THEMIS: variants seen among roughly 807,000 people sequenced by gnomAD.
THEMIS encodes protein THEMIS.
In THEMIS, 37 loss-of-function variants were observed where a neutral mutation model predicts 52.6. That is an observed-to-expected ratio of 0.70 (90% CI 0.54 to 0.93). The LOEUF (loss-of-function observed/expected upper bound fraction) is 0.93. THEMIS is among the 40% of genes least tolerant of loss of function. The probability of loss-of-function intolerance (pLI) is 0.00; values close to 1 mark genes in which losing one functional copy is unlikely to be tolerated. For synonymous variants in THEMIS, 292 were observed against 272.7 expected (o/e 1.07, Z -0.70); for missense variants, 808 against 763.1 (o/e 1.06, Z -0.69).
chr6:127,772,309 T>C lies in THEMIS; in HGVS notation c.1758+40574A>G, dbSNP rs189043371. ...CACACTCTCTGCTTAATTAAAATAT[T>C]TTTTTCATTTTTGCCCCTGGTGAAT... On this transcript the variant is annotated intron_variant, in intron 4 of 5. Coordinates refer to ENST00000368248, the MANE Select transcript of THEMIS (RefSeq NM_001010923.3). Among the ~76,000 whole-genome samples, 728 of 152,214 alleles carry C rather than the reference T, an allele frequency of 4.8e-3. 4 individuals carry two copies. Among genetic ancestry groups the C allele is most frequent in the Middle Eastern group, 0.041 (12 of 294 alleles).
intron 4 of THEMIS, among the ~76,000 whole-genome samples, chr6:127,745,067 T>C (rs1775341006): frequency 6.6e-6 from 1 of 151,970 alleles, no homozygotes; most frequent in African/African-American, 2.4e-5. Context: ...ATGGAACTTA[T>C]GTCAACATGG....
intron 4 of THEMIS, among the ~76,000 whole-genome samples, chr6:127,774,267 G>A (rs1434072704): frequency 6.6e-6 from 1 of 152,152 alleles, no homozygotes; most frequent in Non-Finnish European, 1.5e-5. Flanking sequence ...GTGCAGTGGC[G>A]CCATCTCCGC....
intron 4 of THEMIS, among the ~76,000 whole-genome samples, chr6:127,784,009 G>A (rs2780929): frequency 0.29 from 43,701 of 152,018 alleles, 7,352 homozygotes; most frequent in Non-Finnish European, 0.39. Flanking sequence ...ATGGTAGACT[G>A]GATAAAGAAA....
At chr6:127,807,991 G>T (rs973514556) in intron 4 of THEMIS, among the ~76,000 whole-genome samples, 2 of 152,128 alleles carry the variant, frequency 1.3e-5, no homozygotes, top group East Asian at 3.9e-4. Flanking sequence ...TTCTGGTGCA[G>T]GATTTTTTTC....
chr6:127,875,192 A>T (rs1172745105), intron 1 of THEMIS, among the ~76,000 whole-genome samples: 1 of 152,256 alleles, frequency 6.6e-6, no homozygotes, highest in African/African-American at 2.4e-5. Flanking sequence ...ACTGGAGTAA[A>T]AGATACATGG....
chr6:127,838,628 T>C (rs1284471388), intron 2 of THEMIS, among the ~76,000 whole-genome samples: 1 of 152,102 alleles, frequency 6.6e-6, no homozygotes. Context: ...ATAAGATAGT[T>C]TTCCTTAAAA....
intron 4 of THEMIS, among the ~76,000 whole-genome samples, chr6:127,737,910 A>G (rs1279585710): frequency 6.6e-6 from 1 of 152,184 alleles, no homozygotes; most frequent in African/African-American, 2.4e-5. Flanking sequence ...TACTGTTTAT[A>G]CTTTATACAA....
chr6:127,899,903 T>TTATATATATA (rs111727278), intron 1 of THEMIS, among the ~76,000 whole-genome samples: 280 of 144,522 alleles, frequency 1.9e-3, no homozygotes, highest in African/African-American at 6.8e-3. Flanking sequence ...TGTGTATATT[T>TTATATATATA]TATATATATA....
chr6:127,768,198 A>C (rs573801273), intron 4 of THEMIS, among the ~76,000 whole-genome samples: 1 of 152,362 alleles, frequency 6.6e-6, no homozygotes, highest in East Asian at 1.9e-4. Flanking sequence ...ATTAATGAAC[A>C]ACATGATACT....
chr6:127,708,380 G>A lies in THEMIS; in HGVS notation c.*1605C>T, dbSNP rs1773861326. On this transcript the variant is annotated 3_prime_UTR_variant, in exon 6 of 6. Coordinates refer to ENST00000368248, the MANE Select transcript of THEMIS (RefSeq NM_001010923.3). ...ATAATTTACAACCAAAGTAAGATAT[G>A]CATTCTCTTAATTTTCTAATCAAAG... 1 of 152,034 alleles carries A rather than the reference G, an allele frequency of 6.6e-6. No homozygotes were observed. Among genetic ancestry groups the A allele is most frequent in the African/African-American group, 2.4e-5 (1 of 41,420 alleles). The allele number at this position is 152,034 out of a possible 1,614,324, so 9.4% of individuals were successfully genotyped here.
intron 4 of THEMIS, among the ~76,000 whole-genome samples, chr6:127,749,373 C>T (rs887338696): frequency 5.9e-5 from 9 of 151,970 alleles, no homozygotes; most frequent in Admixed American, 5.3e-4. Context: ...TTCTATGTCA[C>T]GTTAGCGGGG....
At chr6:127,760,083 C>CT (rs34663747) in intron 4 of THEMIS, among the ~76,000 whole-genome samples, 44,548 of 142,980 alleles carry the variant, frequency 0.31, 8,298 homozygotes, top group Non-Finnish European at 0.45. Flanking sequence ...AATCGAATCT[C>CT]TTTTTTTTTT....
rs185969124 is a variant in THEMIS, at chr6:127,870,199, C to T, written c.92-15011G>A. On this transcript the variant is annotated intron_variant, in intron 1 of 5. Transcript: ENST00000368248. ...GGGACTTGTGCCCAGCACAATCAGG[C>T]ACTTCCCAGCCGCATGATGTAAGGG... Among the ~76,000 whole-genome samples, 55 of 152,296 alleles carry T rather than the reference C, an allele frequency of 3.6e-4. 2 individuals carry two copies. In the East Asian group the frequency reaches 0.01, roughly 29 times the overall value.
chr6:127,812,728 T>A (rs1022564356), intron 4 of THEMIS, among the ~76,000 whole-genome samples, 155 bp downstream of exon 4: 1 of 152,206 alleles, frequency 6.6e-6, no homozygotes, highest in Non-Finnish European at 1.5e-5. Flanking sequence ...GCTTACACAC[T>A]GTTGATGTTC....
rs537149882 is a variant in THEMIS at position 127,829,646 on chromosome 6, C to T, written c.539G>A (p.Arg180His). The change falls in exon 3 of 6, where the codon CGT (arginine) becomes CAT (histidine). Residue 180 changes from arginine (R) to histidine (H), a missense_variant. Coordinates refer to ENST00000368248, the MANE Select transcript of THEMIS (RefSeq NM_001010923.3). ...AACAATCTCCTTTAGAGTGTAAATA[C>T]GTTCATCTTCACACTCGTAGAATTC... ...EGEFYECEDE[R>H]IYTLKEIVEW... 1.4e-4 allele frequency: 229 copies of T among 1,614,018 alleles called. 2 individuals are homozygous for T. The South Asian group carries it at 2.1e-3, about 15-fold the overall frequency.
intron 4 of THEMIS, among the ~76,000 whole-genome samples, chr6:127,798,031 A>C (rs1777388272): frequency 6.6e-6 from 1 of 152,250 alleles, no homozygotes; most frequent in Non-Finnish European, 1.5e-5. Flanking sequence ...ATGTGTACAT[A>C]CGCATATGTG....
At chr6:127,746,755 T>C (rs1368536848) in intron 4 of THEMIS, among the ~76,000 whole-genome samples, 1 of 82,968 alleles carries the variant, frequency 1.2e-5, no homozygotes, top group Non-Finnish European at 2.1e-5. Context: ...TATAATTATA[T>C]ATTATTATAT....
chr6:127,796,593 T>A (rs760909330), intron 4 of THEMIS, among the ~76,000 whole-genome samples: 5 of 152,168 alleles, frequency 3.3e-5, no homozygotes, highest in Non-Finnish European at 5.9e-5. Context: ...GAGGAAGCAT[T>A]GCCAAAACTA....
At chr6:127,838,684 G>A (rs1056515802) in intron 2 of THEMIS, among the ~76,000 whole-genome samples, 3 of 151,988 alleles carry the variant, frequency 2.0e-5, no homozygotes, top group Non-Finnish European at 2.9e-5. Flanking sequence ...ATGGTATAAT[G>A]TTGATGATCC....
Sources: allele counts gnomAD v4.1 joint callset (sites outside exome capture counted in the v4.1 genomes callset), GRCh38; gene constraint gnomAD v4.1.1; transcripts MANE v1.5; gene names NCBI Gene and HGNC (gene_info 2026-07-23, HGNC 2026-07-21).